The following MACROD2 variants were observed in gnomAD, a reference collection of about 807,000 sequenced individuals.
MACROD2 encodes mono-ADP ribosylhydrolase 2, also known as ADP-ribose glycohydrolase MACROD2.
A neutral mutation model predicts 70.4 loss-of-function variants in MACROD2; 36 were observed. The observed-to-expected ratio is 0.51, with a 90% CI of 0.39 to 0.68. The LOEUF is 0.68. Among genes scored for constraint, MACROD2 ranks in the 30% least tolerant of loss-of-function variants. The probability of loss-of-function intolerance (pLI) is 0.00; values close to 1 mark genes in which losing one functional copy is unlikely to be tolerated. For missense variants in MACROD2, 496 were observed against 538.4 expected (o/e 0.92, Z 0.78); for synonymous variants, 172 against 178.8 (o/e 0.96, Z 0.30).
At chr20:15,046,466 G>C (rs1164688984) in intron 5 of MACROD2, among the ~76,000 whole-genome samples, 1 of 152,172 alleles carries the variant, frequency 6.6e-6, no homozygotes, top group African/African-American at 2.4e-5. Flanking sequence ...TAGACGGTCT[G>C]TTTCTGTCTG....
chr20:15,807,102 G>C (rs913034147), intron 8 of MACROD2, among the ~76,000 whole-genome samples: 2 of 152,124 alleles, frequency 1.3e-5, no homozygotes, highest in African/African-American at 4.8e-5. Flanking sequence ...CAGAACATTT[G>C]TGATGAAAAG....
At chr20:14,220,345 C>T (rs372724819) in intron 3 of MACROD2, among the ~76,000 whole-genome samples, 1 of 152,238 alleles carries the variant, frequency 6.6e-6, no homozygotes, top group African/African-American at 2.4e-5. Flanking sequence ...CACCCAACTC[C>T]CATGCAAATG....
intron 6 of MACROD2, among the ~76,000 whole-genome samples, chr20:15,356,019 C>T (rs867503766): frequency 6.6e-6 from 1 of 152,162 alleles, no homozygotes; most frequent in Non-Finnish European, 1.5e-5. Context: ...GACTTTTCTT[C>T]TGTAATGACT....
rs139074093 is a variant in MACROD2, at chr20:15,310,164, A to G, written c.540+80103A>G. 1.5e-4 allele frequency among the ~76,000 whole-genome samples: 23 copies of G among 152,340 alleles called. No individual in the cohort carries two copies. The East Asian group carries it at 3.7e-3, about 24-fold the overall frequency. On this transcript the variant is annotated intron_variant, in intron 6 of 17. Transcript: ENST00000684519. ...TTGTACAGATTCAATGGGAATATTT[A>G]TAAGGTGCCTGGCAGAAAGCCTGGG...
intron 3 of MACROD2, among the ~76,000 whole-genome samples, chr20:14,394,123 A>C (rs529350623): frequency 5.3e-5 from 8 of 152,192 alleles, no homozygotes; most frequent in Non-Finnish European, 7.3e-5. Context: ...ATTATGTCCT[A>C]TGAATACCAC....
At chr20:14,230,669 C>CATATATA (rs1388842581) in intron 3 of MACROD2, among the ~76,000 whole-genome samples, 1 of 92,922 alleles carries the variant, frequency 1.1e-5, no homozygotes, top group Non-Finnish European at 1.9e-5. Flanking sequence ...CAGGCTGGGC[C>CATATATA]TATATATATA....
At chr20:15,824,635 G>A (rs2063977018) in intron 8 of MACROD2, among the ~76,000 whole-genome samples, 1 of 152,192 alleles carries the variant, frequency 6.6e-6, no homozygotes, top group African/African-American at 2.4e-5. Flanking sequence ...CTTAACACCA[G>A]TGTAGCCTGG....
chr20:15,032,965 A>G (rs2075286733), intron 5 of MACROD2, among the ~76,000 whole-genome samples: 1 of 152,236 alleles, frequency 6.6e-6, no homozygotes, highest in African/African-American at 2.4e-5. Flanking sequence ...GCAATAACCC[A>G]GACACAAAAG....
chr20:14,239,902 G>C (rs1487728636), intron 3 of MACROD2, among the ~76,000 whole-genome samples: 1 of 152,180 alleles, frequency 6.6e-6, no homozygotes, highest in Non-Finnish European at 1.5e-5. Context: ...ACTACCTACA[G>C]AATGGGAGAA....
At chr20:15,058,554 C>G (rs2075505910) in intron 5 of MACROD2, among the ~76,000 whole-genome samples, 1 of 152,162 alleles carries the variant, frequency 6.6e-6, no homozygotes, top group Admixed American at 6.5e-5. Flanking sequence ...TACTGTATTT[C>G]TATTTGCTAA....
At chr20:14,604,969 C>A (rs183491544) in intron 4 of MACROD2, among the ~76,000 whole-genome samples, 1 of 152,312 alleles carries the variant, frequency 6.6e-6, no homozygotes, top group Admixed American at 6.5e-5. Context: ...TCTCTTTGAA[C>A]ATGCCTACAT....
At chr20:14,421,966 G>A (rs2083880615) in intron 3 of MACROD2, among the ~76,000 whole-genome samples, 1 of 152,058 alleles carries the variant, frequency 6.6e-6, no homozygotes, top group Non-Finnish European at 1.5e-5. Context: ...TCTGTCTGTT[G>A]TACCTGTTAT....
chr20:14,558,746 A>G (rs1979228585), intron 4 of MACROD2, among the ~76,000 whole-genome samples: 1 of 151,792 alleles, frequency 6.6e-6, no homozygotes, highest in South Asian at 2.1e-4. Context: ...TCCACGTATA[A>G]TAGTCTTTAA....
At chr20:14,951,373 C>T (rs1252923141) in intron 5 of MACROD2, among the ~76,000 whole-genome samples, 3 of 152,090 alleles carry the variant, frequency 2.0e-5, no homozygotes, top group African/African-American at 7.2e-5. Context: ...TTTACTCAAG[C>T]ATGGTGACTA....
chr20:14,229,687 T>A (rs568429972), intron 3 of MACROD2, among the ~76,000 whole-genome samples: 1 of 152,332 alleles, frequency 6.6e-6, no homozygotes, highest in African/African-American at 2.4e-5. Flanking sequence ...TACTGTATGA[T>A]CCAGCACACA....
chr20:15,550,452 C>G (rs2048080320), intron 8 of MACROD2, among the ~76,000 whole-genome samples: 1 of 152,010 alleles, frequency 6.6e-6, no homozygotes, highest in Admixed American at 6.6e-5. Context: ...TATATCCCAT[C>G]AGGAGATACT....
At chr20:15,230,173 T>A (rs2076947571) in intron 6 of MACROD2, 112 bp downstream of exon 6, 4 of 1,013,294 alleles carry the variant, frequency 3.9e-6, no homozygotes, top group Non-Finnish European at 5.5e-6. Context: ...GAGAACTAAG[T>A]TTAAGGATCT....
At chr20:14,545,023 T>A (rs2083462612) in intron 4 of MACROD2, among the ~76,000 whole-genome samples, 1 of 152,126 alleles carries the variant, frequency 6.6e-6, no homozygotes, top group Non-Finnish European at 1.5e-5. Context: ...GGAGCACTAA[T>A]AGTATCTGTC....
At chr20:15,849,949 A>G (rs1385734135) in intron 8 of MACROD2, among the ~76,000 whole-genome samples, 32 of 152,180 alleles carry the variant, frequency 2.1e-4, no homozygotes, top group Non-Finnish European at 1.9e-4. Flanking sequence ...TTCTTCGTGT[A>G]AGGGTACCAA....
Sources: allele counts gnomAD v4.1 joint callset (sites outside exome capture counted in the v4.1 genomes callset), GRCh38; gene constraint gnomAD v4.1.1; transcripts MANE v1.5; gene names NCBI Gene and HGNC (gene_info 2026-07-23, HGNC 2026-07-21).